The following ROBO2 variants were observed in gnomAD, a reference collection of about 807,000 sequenced individuals.
ROBO2 encodes roundabout homolog 2.
A neutral mutation model predicts 160.8 loss-of-function variants in ROBO2; 53 were observed. The ratio of observed to expected loss-of-function variants is 0.33; its 90% CI spans 0.26 to 0.41. ROBO2 has a LOEUF of 0.41. ROBO2 is among the 10% of genes least tolerant of loss of function. The pLI, the probability that ROBO2 is intolerant of heterozygous loss-of-function variation, is 1.00. For synonymous variants in ROBO2, 664 were observed against 611.7 expected (o/e 1.09, Z -1.26); for missense variants, 1,577 against 1,722.4 (o/e 0.92, Z 1.49).
chr3:75,921,864 C>T (rs1255481539), intron 1 of ROBO2, among the ~76,000 whole-genome samples: 5 of 152,104 alleles, frequency 3.3e-5, no homozygotes, highest in African/African-American at 4.8e-5. Context: ...CTTCTACCCT[C>T]AATGGTATAT....
At chr3:76,585,418 G>C (rs573207143) in intron 2 of ROBO2, among the ~76,000 whole-genome samples, 156 of 152,194 alleles carry the variant, frequency 1.0e-3, no homozygotes, top group African/African-American at 3.6e-3. Flanking sequence ...TAATCCTGTG[G>C]TTCTCAAACT....
chr3:76,843,075 A>T (rs990448566), intron 2 of ROBO2, among the ~76,000 whole-genome samples: 2 of 152,062 alleles, frequency 1.3e-5, no homozygotes, highest in Non-Finnish European at 2.9e-5. Context: ...GGGAGTCTTT[A>T]TCCCATTTCC....
chr3:77,193,352 C>T (rs570354207), intron 2 of ROBO2, among the ~76,000 whole-genome samples: 2 of 152,022 alleles, frequency 1.3e-5, no homozygotes, highest in South Asian at 4.2e-4. Context: ...TCTATCATAG[C>T]TCACTGCAGC....
At chr3:76,133,925 A>G (rs139648253) in intron 2 of ROBO2, among the ~76,000 whole-genome samples, 510 of 152,120 alleles carry the variant, frequency 3.4e-3, no homozygotes, top group African/African-American at 0.011. Context: ...ACTACTTTGC[A>G]TCCTTCAGTC....
At chr3:76,062,839 G>A (rs1378854573) in intron 2 of ROBO2, among the ~76,000 whole-genome samples, 1 of 152,080 alleles carries the variant, frequency 6.6e-6, no homozygotes, top group Non-Finnish European at 1.5e-5. Flanking sequence ...ACATGACTTT[G>A]GATGGTGAGA....
chr3:77,274,895 A>G (rs531153290), intron 2 of ROBO2, among the ~76,000 whole-genome samples: 2 of 152,246 alleles, frequency 1.3e-5, no homozygotes, highest in Non-Finnish European at 2.9e-5. Flanking sequence ...TTAAAGACTG[A>G]TTTAAAATTA....
intron 2 of ROBO2, among the ~76,000 whole-genome samples, chr3:76,695,152 G>A (rs539256188): frequency 6.6e-6 from 1 of 152,200 alleles, no homozygotes; most frequent in African/African-American, 2.4e-5. Flanking sequence ...TTAAATATGA[G>A]CAAGTCAAAC....
At chr3:76,120,789 G>A (rs76492044) in intron 2 of ROBO2, among the ~76,000 whole-genome samples, 8,394 of 152,100 alleles carry the variant, frequency 0.055, 482 homozygotes, top group East Asian at 0.13. Context: ...AAATTATCTT[G>A]TTCATATGAA....
chr3:76,506,955 G>C (rs1003302902), intron 2 of ROBO2, among the ~76,000 whole-genome samples: 9 of 152,120 alleles, frequency 5.9e-5, no homozygotes, highest in African/African-American at 2.2e-4. Flanking sequence ...TAAAAGTTAT[G>C]ATGTTAAGTT....
At chr3:77,371,944 A>G (rs915758284) in intron 2 of ROBO2, among the ~76,000 whole-genome samples, 3 of 152,218 alleles carry the variant, frequency 2.0e-5, no homozygotes, top group Non-Finnish European at 2.9e-5. Context: ...CAATAATTAC[A>G]GGTGATTAAT....
intron 2 of ROBO2, among the ~76,000 whole-genome samples, chr3:75,946,793 G>A (rs1948315148): frequency 6.6e-6 from 1 of 152,094 alleles, no homozygotes. Context: ...TTACATGAGT[G>A]CTCTCAGGGA....
At chr3:76,023,452 T>C (rs967738783) in intron 2 of ROBO2, among the ~76,000 whole-genome samples, 1 of 151,616 alleles carries the variant, frequency 6.6e-6, no homozygotes, top group African/African-American at 2.4e-5. Flanking sequence ...GGGTTATTAA[T>C]TGGTTTAATT....
chr3:77,087,714 A>G (rs2069515128), intron 1 of ROBO2, among the ~76,000 whole-genome samples: 1 of 151,156 alleles, frequency 6.6e-6, no homozygotes, highest in African/African-American at 2.5e-5. Context: ...ACACACATAT[A>G]TACATGTACA....
intron 2 of ROBO2, among the ~76,000 whole-genome samples, chr3:77,373,106 T>C (rs1456430546): frequency 6.8e-6 from 1 of 146,604 alleles, no homozygotes; most frequent in East Asian, 1.9e-4. Flanking sequence ...AATATAATAT[T>C]TTAAAATTAT....
chr3:76,637,498 G>A (rs1030411214), intron 2 of ROBO2, among the ~76,000 whole-genome samples: 4 of 152,050 alleles, frequency 2.6e-5, no homozygotes, highest in African/African-American at 9.7e-5. Flanking sequence ...GGGACAGGAG[G>A]GGTTGTGTGT....
intron 2 of ROBO2, among the ~76,000 whole-genome samples, chr3:76,077,391 C>T (rs952839110): frequency 6.6e-6 from 1 of 151,952 alleles, no homozygotes; most frequent in Non-Finnish European, 1.5e-5. Flanking sequence ...GGTGAAACCC[C>T]GTCTCTACTA....
intron 1 of ROBO2, among the ~76,000 whole-genome samples, chr3:77,072,586 C>T (rs1367062865): frequency 6.6e-6 from 1 of 152,156 alleles, no homozygotes; most frequent in Non-Finnish European, 1.5e-5. Flanking sequence ...AGAAGGCTTT[C>T]TCCTAATAAT....
At chr3:76,575,056 G>C (rs2085202672) in intron 2 of ROBO2, among the ~76,000 whole-genome samples, 1 of 152,046 alleles carries the variant, frequency 6.6e-6, no homozygotes, top group Non-Finnish European at 1.5e-5. Flanking sequence ...GTTTGTTTTA[G>C]ATATTAGCCC....
intron 2 of ROBO2, among the ~76,000 whole-genome samples, chr3:76,018,496 A>AT (rs1200078649): frequency 6.6e-6 from 1 of 150,412 alleles, no homozygotes; most frequent in Non-Finnish European, 1.5e-5. Flanking sequence ...TTGGTTTCTT[A>AT]TTTTTTCCCT....
Sources: gnomAD v4.1 joint callset for allele counts (sites outside exome capture counted in the v4.1 genomes callset) on GRCh38, gnomAD v4.1.1 for gene constraint, MANE v1.5 for transcripts, NCBI Gene and HGNC (gene_info 2026-07-23, HGNC 2026-07-21) for gene names.